Variants in CCDC148 observed in about 807,000 individuals in gnomAD.
CCDC148 encodes coiled-coil domain-containing protein 148.
In CCDC148, 89 loss-of-function variants were observed where a neutral mutation model predicts 85.7. The observed-to-expected ratio is 1.04, with a 90% CI of 0.87 to 1.24. The LOEUF (loss-of-function observed/expected upper bound fraction) is 1.24, where lower values mean the gene tolerates loss of function less well. Among genes scored for constraint, CCDC148 ranks in the 50% most tolerant of loss-of-function variants. The pLI is 0.00. For synonymous variants in CCDC148, 230 were observed against 213.9 expected (o/e 1.08, Z -0.66); for missense variants, 692 against 671.7 (o/e 1.03, Z -0.33).
At chr2:158,277,208 A>G (rs1689990746) in intron 9 of CCDC148, among the ~76,000 whole-genome samples, 1 of 152,128 alleles carries the variant, frequency 6.6e-6, no homozygotes, top group Non-Finnish European at 1.5e-5. Context: ...GCACATCACA[A>G]CTCGAGGGGA....
rs138839974 is a variant in CCDC148 at position 158,407,451 on chromosome 2, C to G, written c.26-48881G>C. ...ATAAACTGTCAACTTTTTACTCTTTCTATACATAGCTTCTCCAAAACTGGA... is the reference window on the plus strand; with the variant it reads ...ATAAACTGTCAACTTTTTACTCTTTGTATACATAGCTTCTCCAAAACTGGA... On this transcript the variant is annotated intron_variant, in intron 1 of 13. Coordinates refer to ENST00000283233, the MANE Select transcript of CCDC148 (RefSeq NM_138803.4). Among the ~76,000 whole-genome samples, 521 of 152,276 alleles carry G rather than the reference C, an allele frequency of 3.4e-3. 4 individuals are homozygous for G. The highest frequency in any genetic ancestry group is 0.012 in the African/African-American group (499 of 41,552).
chr2:158,271,984 T>C (rs559204997), intron 9 of CCDC148, among the ~76,000 whole-genome samples: 1 of 152,202 alleles, frequency 6.6e-6, no homozygotes, highest in Non-Finnish European at 1.5e-5. Context: ...TTTGCTTCCA[T>C]GTGACAAGTT....
chr2:158,333,589 G>A lies in CCDC148; in HGVS notation c.764+5137C>T, dbSNP rs565608266. 5.3e-5 allele frequency among the ~76,000 whole-genome samples: 8 copies of A among 152,140 alleles called. No individual in the cohort carries two copies. In the East Asian group the frequency reaches 9.7e-4, roughly 18 times the overall value. On this transcript the variant is annotated intron_variant, in intron 7 of 13. Transcript: ENST00000283233. The stretch of plus-strand genomic sequence containing the variant: ...GATATCCTTGTTAACTTTCTGTCTC[G>A]TTGATCTTTCTAATATTGACAGTGG...
chr2:158,299,110 C>T (rs1691326723), intron 9 of CCDC148, among the ~76,000 whole-genome samples: 1 of 152,110 alleles, frequency 6.6e-6, no homozygotes, highest in Admixed American at 6.5e-5. Flanking sequence ...TAGAGTACAG[C>T]CCTTACCCCT....
intron 9 of CCDC148, among the ~76,000 whole-genome samples, chr2:158,273,982 G>A (rs1468446898): frequency 6.6e-6 from 1 of 152,138 alleles, no homozygotes; most frequent in Non-Finnish European, 1.5e-5. Flanking sequence ...TCTGGGCTCA[G>A]AGCCAAGGGT....
intron 10 of CCDC148, among the ~76,000 whole-genome samples, chr2:158,225,457 A>G (rs1344711541): frequency 6.6e-6 from 1 of 152,162 alleles, no homozygotes; most frequent in Non-Finnish European, 1.5e-5. Context: ...AAGCAGAACT[A>G]ATAGACATCT....
intron 1 of CCDC148, among the ~76,000 whole-genome samples, chr2:158,438,345 G>A (rs1159184645): frequency 7.9e-5 from 12 of 152,038 alleles, no homozygotes; most frequent in Non-Finnish European, 1.8e-4. Flanking sequence ...TCTGATCTTT[G>A]ACAAACCTGA....
chr2:158,247,635 T>C (rs1688621504), intron 10 of CCDC148, among the ~76,000 whole-genome samples: 1 of 152,084 alleles, frequency 6.6e-6, no homozygotes, highest in Non-Finnish European at 1.5e-5. Context: ...GGCGGGCGGA[T>C]CATCTGAGGT....
At chr2:158,279,955 G>C (rs577951523) in intron 9 of CCDC148, among the ~76,000 whole-genome samples, 87 of 151,838 alleles carry the variant, frequency 5.7e-4, no homozygotes, top group African/African-American at 2.0e-3. Flanking sequence ...AGCCAGAAGA[G>C]AGTGGGGGCC....
intron 9 of CCDC148, among the ~76,000 whole-genome samples, chr2:158,270,899 G>A (rs1182232452): frequency 2.0e-5 from 3 of 152,176 alleles, no homozygotes; most frequent in African/African-American, 7.2e-5. Flanking sequence ...CACCCTATCA[G>A]AGGATAGTTC....
At chr2:158,217,455 T>G (rs1026766629) in intron 11 of CCDC148, among the ~76,000 whole-genome samples, 22 of 150,436 alleles carry the variant, frequency 1.5e-4, no homozygotes, top group Non-Finnish European at 3.1e-4. Flanking sequence ...CAGGCTGGAG[T>G]GCGGTAGCAC....
At chr2:158,363,202 C>T (rs1684045094) in intron 1 of CCDC148, among the ~76,000 whole-genome samples, 1 of 152,112 alleles carries the variant, frequency 6.6e-6, no homozygotes, top group African/African-American at 2.4e-5. Flanking sequence ...AGTCCAGGAC[C>T]AGATGGCTTC....
In CCDC148 at chr2:158,171,967, C is replaced by A; in HGVS notation, c.*146G>T. ...ATATAGTGCATAAAATTCTAAGAAT[C>A]ACAAAAGAAAGGCAAAGTTGTTTTA... On this transcript the variant is annotated 3_prime_UTR_variant, in exon 14 of 14. Coordinates refer to ENST00000283233, the MANE Select transcript of CCDC148 (RefSeq NM_138803.4). 1.7e-6 allele frequency: 1 copy of A among 590,872 alleles called. No individual in the cohort carries two copies. Among genetic ancestry groups the A allele is most frequent in the Non-Finnish European group, 2.8e-6 (1 of 354,218 alleles). The allele number at this position is 590,872 out of a possible 1,614,324, so 36.6% of individuals were successfully genotyped here.
chr2:158,205,171 C>T (rs1426073906), intron 11 of CCDC148, among the ~76,000 whole-genome samples: 2 of 152,086 alleles, frequency 1.3e-5, no homozygotes, highest in African/African-American at 4.8e-5. Flanking sequence ...AGGATGGTGG[C>T]CCTATCAGGG....
At chr2:158,412,831 TA>T (rs1686322158) in intron 1 of CCDC148, among the ~76,000 whole-genome samples, 24 of 19,620 alleles carry the variant, frequency 1.2e-3, no homozygotes, top group African/African-American at 4.8e-3. Context: ...AAGTATTTAT[TA>T]TTATTATTAT....
At chr2:158,299,213 C>T (rs1017881048) in intron 9 of CCDC148, among the ~76,000 whole-genome samples, 1 of 152,190 alleles carries the variant, frequency 6.6e-6, no homozygotes, top group African/African-American at 2.4e-5. Context: ...AGACCTACAC[C>T]TCCCCAGGCC....
At chr2:158,216,260 A>C (rs898788423) in intron 11 of CCDC148, among the ~76,000 whole-genome samples, 8 of 151,984 alleles carry the variant, frequency 5.3e-5, no homozygotes, top group African/African-American at 1.9e-4. Context: ...TTTAACTTTA[A>C]TTTTTATAAT....
At chr2:158,308,901 T>G (rs184523330) in intron 9 of CCDC148, among the ~76,000 whole-genome samples, 10 of 152,224 alleles carry the variant, frequency 6.6e-5, no homozygotes, top group Non-Finnish European at 1.0e-4. Flanking sequence ...CCCCAAGCCA[T>G]CCTCAATCCA....
chr2:158,346,393 G>C (rs564609680), intron 2 of CCDC148, among the ~76,000 whole-genome samples: 1 of 152,242 alleles, frequency 6.6e-6, no homozygotes, highest in South Asian at 2.1e-4. Flanking sequence ...ACTATCTCCG[G>C]GTAACCTCAC....
Sources: allele counts gnomAD v4.1 joint callset (sites outside exome capture counted in the v4.1 genomes callset), GRCh38; gene constraint gnomAD v4.1.1; transcripts MANE v1.5; gene names NCBI Gene and HGNC (gene_info 2026-07-23, HGNC 2026-07-21).